The following SPPL3 variants were observed in gnomAD, a reference collection of about 807,000 sequenced individuals.
SPPL3 encodes signal peptide peptidase like 3.
In SPPL3, 5 loss-of-function variants were observed where a neutral mutation model predicts 42.4. That is an observed-to-expected ratio of 0.12 (90% CI 0.06 to 0.25). SPPL3 has a LOEUF of 0.25. Among genes scored for constraint, SPPL3 ranks in the 10% least tolerant of loss-of-function variants. The probability of loss-of-function intolerance (pLI) is 1.00; values close to 1 mark genes in which losing one functional copy is unlikely to be tolerated. For missense variants in SPPL3, 235 were observed against 489.0 expected, an observed-to-expected ratio of 0.48 and a Z score of 4.90; for synonymous variants, 195 against 181.8, an observed-to-expected ratio of 1.07 and a Z score of -0.58.
intron 6 of SPPL3, chr12:120,769,512 C>A (rs753442761): frequency 6.3e-6 from 1 of 157,646 alleles, no homozygotes; most frequent in South Asian, 1.8e-4. Context: ...ATTACATTCC[C>A]ACTTTTCAGA....
At chr12:120,787,091 T>C (rs1039693977) in intron 3 of SPPL3, among the ~76,000 whole-genome samples, 1 of 152,124 alleles carries the variant, frequency 6.6e-6, no homozygotes, top group African/African-American at 2.4e-5. Context: ...ATTAAGAAAA[T>C]TACTGATTTT....
At chr12:120,861,379 G>C (rs186457315) in intron 1 of SPPL3, among the ~76,000 whole-genome samples, 1 of 152,244 alleles carries the variant, frequency 6.6e-6, no homozygotes, top group East Asian at 1.9e-4. Flanking sequence ...AGGAGACAAA[G>C]TACAAAAATT....
intron 6 of SPPL3, among the ~76,000 whole-genome samples, chr12:120,781,470 T>A (rs1383747560): frequency 1.3e-5 from 2 of 151,104 alleles, no homozygotes; most frequent in Non-Finnish European, 2.9e-5. Context: ...ATATATAACA[T>A]GTTATATTAC....
At chr12:120,817,822 C>A (rs1870931834) in intron 1 of SPPL3, among the ~76,000 whole-genome samples, 1 of 152,092 alleles carries the variant, frequency 6.6e-6, no homozygotes, top group South Asian at 2.1e-4. Flanking sequence ...AGGAAAAGGG[C>A]CCCTCCTGTA....
intron 1 of SPPL3, among the ~76,000 whole-genome samples, chr12:120,882,602 TCTC>T (rs1345249703): frequency 1.3e-5 from 2 of 152,096 alleles, no homozygotes; most frequent in East Asian, 1.9e-4. Context: ...AATACAGTGG[TCTC>T]CTATGTATCC....
In SPPL3 at chr12:120,802,882, ACTGTGCAC is replaced by A. The variant is rs1870364064; in HGVS notation, c.101+7919_101+7926del. 2.6e-5 allele frequency among the ~76,000 whole-genome samples: 4 copies of A among 152,340 alleles called. No homozygotes were observed. In the South Asian group the frequency reaches 8.3e-4, roughly 32 times the overall value. ...TCTAAACAACAACATCCTGTTGCCC[ACTGTGCAC>A]CTTCAATTTTGGCAAAACTGCTTTT... On this transcript the variant is annotated intron_variant, in intron 2 of 10. Coordinates refer to ENST00000353487, the MANE Select transcript of SPPL3 (RefSeq NM_139015.5).
At chr12:120,821,506 T>G (rs1871070444) in intron 1 of SPPL3, among the ~76,000 whole-genome samples, 1 of 152,266 alleles carries the variant, frequency 6.6e-6, no homozygotes, top group African/African-American at 2.4e-5. Flanking sequence ...TTTTGCATTT[T>G]TATTTGGCCA....
intron 1 of SPPL3, chr12:120,845,459 C>A: frequency 2.4e-6 from 1 of 417,200 alleles, no homozygotes. Context: ...CCACGCCCCA[C>A]ACAGTGAAGC....
chr12:120,783,804 T>C (rs1307422222), intron 4 of SPPL3, 52 bp from the exon 5 acceptor site: 1 of 1,528,634 alleles, frequency 6.5e-7, no homozygotes, highest in East Asian at 2.3e-5. Flanking sequence ...AAAAATGGCA[T>C]GACTTATAGA....
intron 2 of SPPL3, among the ~76,000 whole-genome samples, chr12:120,806,559 C>T (rs1259653925): frequency 6.6e-6 from 1 of 151,886 alleles, no homozygotes; most frequent in Non-Finnish European, 1.5e-5. Flanking sequence ...TTAAAGAAAA[C>T]GTAGGAGAGC....
intron 1 of SPPL3, among the ~76,000 whole-genome samples, chr12:120,849,737 A>G (rs1872162799): frequency 6.6e-6 from 1 of 152,158 alleles, no homozygotes; most frequent in South Asian, 2.1e-4. Flanking sequence ...GGAAAATCCT[A>G]TTTATCCGAG....
At chr12:120,809,456 A>G (rs1001453279) in intron 2 of SPPL3, among the ~76,000 whole-genome samples, 1 of 152,228 alleles carries the variant, frequency 6.6e-6, no homozygotes, top group African/African-American at 2.4e-5. Flanking sequence ...GTGATTTTAC[A>G]AAGTAGCCAT....
intron 1 of SPPL3, among the ~76,000 whole-genome samples, chr12:120,857,900 G>A (rs1872512858): frequency 6.6e-6 from 1 of 152,166 alleles, no homozygotes; most frequent in Non-Finnish European, 1.5e-5. Context: ...GACAGGTGCA[G>A]CAAACTACCA....
At chr12:120,880,039 A>C (rs1161479461) in intron 1 of SPPL3, among the ~76,000 whole-genome samples, 1 of 148,352 alleles carries the variant, frequency 6.7e-6, no homozygotes, top group Non-Finnish European at 1.5e-5. Flanking sequence ...ATTTTCTTTT[A>C]ATTTTAACTG....
At chr12:120,783,828 C>A in intron 4 of SPPL3, 76 bp from the exon 5 acceptor site, 1 of 1,231,726 alleles carries the variant, frequency 8.1e-7, no homozygotes, top group Non-Finnish European at 1.2e-6. Context: ...TTCATTCCGC[C>A]AAACACTAGA....
chr12:120,902,125 G>A (rs879385211), intron 1 of SPPL3, among the ~76,000 whole-genome samples: 1 of 152,090 alleles, frequency 6.6e-6, no homozygotes, highest in African/African-American at 2.4e-5. Context: ...TGTTCCCTAC[G>A]ACCTGCTACT....
At position 120,851,850 on chromosome 12, in the gene SPPL3, C is replaced by T. The variant is rs528428754; in HGVS notation, c.24-40964G>A. On this transcript the variant is annotated intron_variant, in intron 1 of 10. Coordinates refer to ENST00000353487, the MANE Select transcript of SPPL3 (RefSeq NM_139015.5). ...AACTCCTGGGCTCAAGCGATCTGCC[C>T]GCCTCAGCCTCCCAAAGTGCTGGGA... is the stretch of plus-strand genomic sequence containing the variant. Among the ~76,000 whole-genome samples, 118 of 152,240 alleles carry T rather than the reference C, an allele frequency of 7.8e-4. 1 individual carries two copies. Among genetic ancestry groups the T allele is most frequent in the African/African-American group, 2.5e-3 (104 of 41,554 alleles).
intron 1 of SPPL3, among the ~76,000 whole-genome samples, chr12:120,839,787 T>C (rs1268291462): frequency 1.3e-5 from 2 of 151,978 alleles, no homozygotes; most frequent in Non-Finnish European, 2.9e-5. Context: ...AGAGTTACCA[T>C]ATGACCCAGC....
chr12:120,891,728 G>T (rs1344841923), intron 1 of SPPL3, among the ~76,000 whole-genome samples: 6 of 89,570 alleles, frequency 6.7e-5, no homozygotes, highest in Non-Finnish European at 6.5e-5. Flanking sequence ...AGACTGTTTT[G>T]CAAATTCTAA....
Sources: gnomAD v4.1 joint callset for allele counts (sites outside exome capture counted in the v4.1 genomes callset) on GRCh38, gnomAD v4.1.1 for gene constraint, MANE v1.5 for transcripts, NCBI Gene and HGNC (gene_info 2026-07-23, HGNC 2026-07-21) for gene names.